GRM5: variants seen among roughly 807,000 people sequenced by gnomAD.
GRM5 encodes the protein metabotropic glutamate receptor 5.
In GRM5, 19 loss-of-function variants were observed where a neutral mutation model predicts 83.1. That is an observed-to-expected ratio of 0.23 (90% CI 0.16 to 0.34). The LOEUF (loss-of-function observed/expected upper bound fraction) is 0.34. GRM5 is among the 10% of genes least tolerant of loss of function. GRM5 has a pLI of 1.00. For synonymous variants in GRM5, 675 were observed against 633.6 expected (o/e 1.07, Z -0.98); for missense variants, 1,160 against 1,588.3 (o/e 0.73, Z 4.58).
intron 3 of GRM5, among the ~76,000 whole-genome samples, chr11:88,833,787 T>C (rs1341406659): frequency 2.0e-5 from 3 of 152,160 alleles, no homozygotes; most frequent in Non-Finnish European, 2.9e-5. Flanking sequence ...TATTAGCGCA[T>C]AACAAATAAT....
intron 8 of GRM5, among the ~76,000 whole-genome samples, chr11:88,538,222 C>T (rs570630029): frequency 6.6e-6 from 1 of 152,166 alleles, no homozygotes; most frequent in Admixed American, 6.5e-5. Flanking sequence ...TTTCATTTAG[C>T]TTCTGAAGAA....
chr11:88,699,493 A>G (rs1450642402), intron 3 of GRM5, among the ~76,000 whole-genome samples: 3 of 152,140 alleles, frequency 2.0e-5, no homozygotes, highest in Admixed American at 6.6e-5. Flanking sequence ...CTGACAACTC[A>G]CAGCTGAGTC....
At chr11:88,795,373 G>A (rs528907178) in intron 3 of GRM5, among the ~76,000 whole-genome samples, 1 of 152,218 alleles carries the variant, frequency 6.6e-6, no homozygotes, top group East Asian at 1.9e-4. Flanking sequence ...CTACCTCAAA[G>A]ACATCATAAA....
intron 3 of GRM5, among the ~76,000 whole-genome samples, chr11:88,750,604 T>C (rs1029897255): frequency 2.0e-5 from 3 of 152,158 alleles, no homozygotes; most frequent in Admixed American, 2.0e-4. Context: ...ATCTACAGAA[T>C]TCTCCACCCA....
At chr11:88,704,486 A>G (rs1179242906) in intron 3 of GRM5, among the ~76,000 whole-genome samples, 2 of 151,730 alleles carry the variant, frequency 1.3e-5, no homozygotes, top group African/African-American at 4.8e-5. Context: ...AAGAAACTCA[A>G]AGCCATTTCT....
intron 2 of GRM5, among the ~76,000 whole-genome samples, chr11:89,015,199 T>A (rs1325290786): frequency 2.0e-5 from 3 of 152,216 alleles, no homozygotes; most frequent in Non-Finnish European, 4.4e-5. Context: ...ACTCATAAAA[T>A]TTCATAAGCC....
chr11:88,999,859 C>T (rs1452086575), intron 2 of GRM5, among the ~76,000 whole-genome samples: 2 of 152,166 alleles, frequency 1.3e-5, no homozygotes, highest in African/African-American at 2.4e-5. Context: ...CAATGATAGA[C>T]TAGATTAAGA....
intron 2 of GRM5, among the ~76,000 whole-genome samples, chr11:88,861,618 A>G (rs1473721726): frequency 1.3e-5 from 2 of 151,982 alleles, no homozygotes; most frequent in Non-Finnish European, 2.9e-5. Context: ...GGCACACACT[A>G]CCACACCCAG....
intron 3 of GRM5, among the ~76,000 whole-genome samples, chr11:88,737,969 A>AAGAT (rs1200514782): frequency 1.8e-4 from 27 of 152,058 alleles, no homozygotes; most frequent in Admixed American, 1.5e-3. Context: ...ATGTTTTTGA[A>AAGAT]AGATAGATGT....
chr11:88,897,544 G>T (rs990738275), intron 2 of GRM5, among the ~76,000 whole-genome samples: 3 of 151,882 alleles, frequency 2.0e-5, no homozygotes, highest in African/African-American at 7.2e-5. Flanking sequence ...GATGGTAGTC[G>T]TTCTCTGCAG....
intron 2 of GRM5, among the ~76,000 whole-genome samples, chr11:89,013,814 C>T (rs540025887): frequency 3.3e-5 from 5 of 152,206 alleles, no homozygotes; most frequent in Admixed American, 3.3e-4. Context: ...CTTATTTTAG[C>T]ACTTATCACA....
intron 8 of GRM5, among the ~76,000 whole-genome samples, chr11:88,555,749 T>C (rs1340923021): frequency 2.6e-5 from 4 of 152,168 alleles, no homozygotes; most frequent in Non-Finnish European, 5.9e-5. Context: ...GTGACTATTT[T>C]CTTCAGTTGC....
intron 2 of GRM5, among the ~76,000 whole-genome samples, chr11:88,966,179 T>C (rs1252790667): frequency 2.6e-5 from 4 of 152,026 alleles, no homozygotes; most frequent in Admixed American, 6.6e-5. Context: ...GGTAAAAATA[T>C]TGAACTGAAT....
Position 88,590,752 on chromosome 11 carries a change from AT to A in GRM5, c.1564-26del, listed in dbSNP as rs539731911. 504 of 1,583,900 alleles carry A rather than the reference AT, an allele frequency of 3.2e-4. 1 individual carries two copies. Among genetic ancestry groups the A allele is most frequent in the Non-Finnish European group, 3.7e-4 (428 of 1,158,914 alleles). On this transcript the variant is annotated intron_variant, in intron 6 of 9. Coordinates refer to ENST00000305447, the MANE Select transcript of GRM5 (RefSeq NM_001143831.3). ...CCTAAGGCAAATATTTGAAATTTAG[AT>A]TTTTTTTTGCATAGATAAAAATCCA...
intron 3 of GRM5, among the ~76,000 whole-genome samples, chr11:88,817,130 T>C (rs1590880989): frequency 6.6e-6 from 1 of 152,252 alleles, no homozygotes; most frequent in East Asian, 1.9e-4. Context: ...TATCACTCCA[T>C]GAAGAGAACA....
intron 3 of GRM5, among the ~76,000 whole-genome samples, chr11:88,815,316 T>C (rs2135502145): frequency 6.6e-6 from 1 of 152,316 alleles, no homozygotes; most frequent in Non-Finnish European, 1.5e-5. Context: ...ATAAAACATT[T>C]ATAATAACTC....
At chr11:88,766,344 G>A (rs1942624376) in intron 3 of GRM5, among the ~76,000 whole-genome samples, 1 of 151,886 alleles carries the variant, frequency 6.6e-6, no homozygotes, top group African/African-American at 2.4e-5. Context: ...GCACGGTACT[G>A]GTACACAAAC....
chr11:88,772,402 AC>A (rs1942756695), intron 3 of GRM5, among the ~76,000 whole-genome samples: 1 of 151,104 alleles, frequency 6.6e-6, no homozygotes, highest in Non-Finnish European at 1.5e-5. Flanking sequence ...TCAATCATGT[AC>A]TTTTTTTATT....
intron 2 of GRM5, among the ~76,000 whole-genome samples, chr11:89,046,743 C>T (rs1194812286): frequency 1.3e-5 from 2 of 152,076 alleles, no homozygotes; most frequent in African/African-American, 4.8e-5. Context: ...TTTGGTAATT[C>T]TCTATAACAA....
Sources: allele counts gnomAD v4.1 joint callset (sites outside exome capture counted in the v4.1 genomes callset), GRCh38; gene constraint gnomAD v4.1.1; transcripts MANE v1.5; gene names NCBI Gene and HGNC (gene_info 2026-07-23, HGNC 2026-07-21).